Variants in CCDC60 observed in about 807,000 individuals in gnomAD.
CCDC60 encodes the protein coiled-coil domain-containing protein 60.
CCDC60 carries 54 observed loss-of-function variants against 63.5 expected under a neutral mutation model. The observed-to-expected ratio is 0.85, with a 90% CI of 0.68 to 1.07. The LOEUF is 1.07. Among genes scored for constraint, CCDC60 ranks in the 50% least tolerant of loss-of-function variants. The probability of loss-of-function intolerance (pLI) is 0.00; values close to 1 mark genes in which losing one functional copy is unlikely to be tolerated. For synonymous variants in CCDC60, 206 were observed against 238.8 expected, an observed-to-expected ratio of 0.86 and a Z score of 1.27; for missense variants, 651 against 684.3, an observed-to-expected ratio of 0.95 and a Z score of 0.54.
At chr12:119,380,899 A>G (rs1243871656) in intron 1 of CCDC60, among the ~76,000 whole-genome samples, 2 of 152,214 alleles carry the variant, frequency 1.3e-5, no homozygotes, top group African/African-American at 4.8e-5. Flanking sequence ...TTCTTCTTAC[A>G]GTGATAGTAG....
chr12:119,515,832 T>C (rs1314377912), intron 7 of CCDC60, among the ~76,000 whole-genome samples: 1 of 152,158 alleles, frequency 6.6e-6, no homozygotes, highest in Non-Finnish European at 1.5e-5. Context: ...TGTTAAAAGA[T>C]TGGCATCCAC....
At chr12:119,502,349 A>G (rs973759828) in intron 6 of CCDC60, among the ~76,000 whole-genome samples, 1 of 152,194 alleles carries the variant, frequency 6.6e-6, no homozygotes, top group Non-Finnish European at 1.5e-5. Context: ...CCCCTACTTC[A>G]CAGAAAGTGT....
chr12:119,532,396 C>CTATTATTATTAT (rs71451846), intron 13 of CCDC60, among the ~76,000 whole-genome samples: 9,576 of 142,204 alleles, frequency 0.067, 403 homozygotes, highest in Non-Finnish European at 0.086. Context: ...CATCACAGAA[C>CTATTATTATTAT]TATTATTATT....
chr12:119,523,937 C>G (rs759319569), intron 11 of CCDC60, 119 bp downstream of exon 11: 23 of 1,053,864 alleles, frequency 2.2e-5, no homozygotes, highest in Non-Finnish European at 3.1e-5. Flanking sequence ...TCTCTGTCCT[C>G]AGGGAGCTCA....
intron 1 of CCDC60, among the ~76,000 whole-genome samples, chr12:119,406,441 C>T (rs966995326): frequency 2.0e-5 from 3 of 152,046 alleles, no homozygotes; most frequent in Non-Finnish European, 4.4e-5. Flanking sequence ...GTTTTATTTT[C>T]ATCCCTTCAT....
Position 119,479,107 on chromosome 12 carries a change from G to A in CCDC60, c.355G>A (p.Glu119Lys), listed in dbSNP as rs201658562. ...GDTLLSTYDD[E>K]KLKTLGARVT... ...CTTGTCCTTCAGCACATATGATGAT[G>A]AGAAGTTGAAGACACTGGGAGCTAG... Residue 119 changes from glutamate (E) to lysine (K), a missense_variant, in exon 4 of 14, where the codon GAG becomes AAG. Physicochemically the swap from Glu to Lys is moderately conservative, Grantham distance 56. Transcript: ENST00000327554. 5.1e-5 allele frequency: 83 copies of A among 1,612,560 alleles called. No homozygotes were observed. The highest frequency in any genetic ancestry group is 6.5e-5 in the Non-Finnish European group (77 of 1,178,982).
intron 1 of CCDC60, among the ~76,000 whole-genome samples, chr12:119,367,234 T>C (rs1955850106): frequency 6.6e-6 from 1 of 152,218 alleles, no homozygotes; most frequent in Non-Finnish European, 1.5e-5. Context: ...GGTATGATTA[T>C]TTCCTGCATT....
chr12:119,432,390 A>G (rs1950246486), intron 2 of CCDC60, among the ~76,000 whole-genome samples: 1 of 152,248 alleles, frequency 6.6e-6, no homozygotes, highest in Non-Finnish European at 1.5e-5. Flanking sequence ...ACGTTGGATC[A>G]GAAGAGAGGT....
chr12:119,479,063 C>T (rs764920163), intron 3 of CCDC60, 31 bp from the exon 4 acceptor site: 2 of 1,491,676 alleles, frequency 1.3e-6, no homozygotes, highest in South Asian at 2.3e-5. Flanking sequence ...GCTCATTGTT[C>T]ACATTGTTTC....
intron 1 of CCDC60, among the ~76,000 whole-genome samples, chr12:119,394,509 C>G (rs534958046): frequency 5.9e-5 from 9 of 152,310 alleles, no homozygotes; most frequent in South Asian, 4.1e-4. Flanking sequence ...TCACTGCCCC[C>G]CAGGCATCCC....
At chr12:119,346,105 G>A (rs1042080233) in intron 1 of CCDC60, among the ~76,000 whole-genome samples, 8 of 150,730 alleles carry the variant, frequency 5.3e-5, no homozygotes, top group African/African-American at 2.0e-4. Context: ...GATTACAGGT[G>A]TGAGCCACTG....
chr12:119,499,449 T>C (rs1265843072), intron 5 of CCDC60, among the ~76,000 whole-genome samples: 1 of 152,248 alleles, frequency 6.6e-6, no homozygotes, highest in African/African-American at 2.4e-5. Flanking sequence ...TGTAAGTAAG[T>C]GACTTAAACT....
intron 1 of CCDC60, among the ~76,000 whole-genome samples, chr12:119,402,157 T>A (rs1163143258): frequency 2.0e-5 from 3 of 152,148 alleles, no homozygotes; most frequent in Non-Finnish European, 4.4e-5. Context: ...GTGTTGATTC[T>A]CCATCACAAG....
chr12:119,360,656 C>T (rs1462496191), intron 1 of CCDC60, among the ~76,000 whole-genome samples: 10 of 151,840 alleles, frequency 6.6e-5, no homozygotes, highest in East Asian at 2.0e-4. Context: ...AGACGATGGG[C>T]GGCGGGGCAG....
At chr12:119,344,841 TCTCTCTCTCTCTCTCA>T (rs1955571461) in intron 1 of CCDC60, among the ~76,000 whole-genome samples, 2 of 106,430 alleles carry the variant, frequency 1.9e-5, no homozygotes, top group African/African-American at 3.6e-5. Flanking sequence ...TCTCTTTCTC[TCTCTCTCTCTCTCTCA>T]CACACACACA....
chr12:119,524,721 C>CTTTTTTTTTTTTT (rs55694840), intron 11 of CCDC60, among the ~76,000 whole-genome samples: 21 of 99,010 alleles, frequency 2.1e-4, no homozygotes, highest in East Asian at 2.0e-3. Flanking sequence ...CTTTTCTTTT[C>CTTTTTTTTTTTTT]TTTTTTTTTT....
At position 119,470,491 on chromosome 12, in the gene CCDC60, G is replaced by A. The variant is rs187087375; in HGVS notation, c.171-1503G>A. On this transcript the variant is annotated intron_variant, in intron 2 of 13. Transcript: ENST00000327554. ...GATTTGAAAAATGCTGGAAAATCCCGACCTCCCGCCTCCCAGCATATTCCC... is the reference window on the plus strand; with the variant it reads ...GATTTGAAAAATGCTGGAAAATCCCAACCTCCCGCCTCCCAGCATATTCCC... 3.9e-5 allele frequency among the ~76,000 whole-genome samples: 6 copies of A among 152,254 alleles called. No homozygotes were observed. The East Asian group carries it at 9.7e-4, about 25-fold the overall frequency.
chr12:119,337,347 G>T (rs112398727), intron 1 of CCDC60, among the ~76,000 whole-genome samples: 1 of 152,184 alleles, frequency 6.6e-6, no homozygotes, highest in East Asian at 1.9e-4. Flanking sequence ...ACATCAGAGC[G>T]GGAGCAGCAG....
chr12:119,523,827 A>G lies in CCDC60; in HGVS notation c.1229+9A>G. 1 of 1,613,808 alleles carries G rather than the reference A, an allele frequency of 6.2e-7. No individual in the cohort carries two copies. Among genetic ancestry groups the G allele is most frequent in the Non-Finnish European group, 8.5e-7 (1 of 1,179,796 alleles). On this transcript the variant is annotated intron_variant, in intron 11 of 13. Coordinates refer to ENST00000327554, the MANE Select transcript of CCDC60 (RefSeq NM_178499.5). The stretch of plus-strand genomic sequence containing the variant: ...ATGGAAATCCTCATGAAGTAAGCGC[A>G]CATATATATCCATTCATTCAAACAG...
Sources: allele counts gnomAD v4.1 joint callset (sites outside exome capture counted in the v4.1 genomes callset), GRCh38; gene constraint gnomAD v4.1.1; transcripts MANE v1.5; gene names NCBI Gene and HGNC (gene_info 2026-07-23, HGNC 2026-07-21).